The following PRELID2 variants were observed in gnomAD, a reference collection of about 807,000 sequenced individuals.
PRELID2 encodes PRELI domain containing 2.
PRELID2 carries 25 observed loss-of-function variants against 28.4 expected under a neutral mutation model. The ratio of observed to expected loss-of-function variants is 0.88; its 90% CI spans 0.64 to 1.23. The LOEUF is 1.23. Ranked by LOEUF, PRELID2 falls within the 50% of genes most tolerant of loss-of-function variation. The probability of loss-of-function intolerance (pLI) is 0.00; values close to 1 mark genes in which losing one functional copy is unlikely to be tolerated. For missense variants in PRELID2, 201 were observed against 214.4 expected (o/e 0.94, Z 0.39); for synonymous variants, 76 against 71.6 (o/e 1.06, Z -0.31).
chr5:145,478,272 G>A (rs537074258), intron 1 of PRELID2, among the ~76,000 whole-genome samples: 1 of 152,256 alleles, frequency 6.6e-6, no homozygotes, highest in African/African-American at 2.4e-5. Flanking sequence ...TATAGGTCAG[G>A]TGCAGTGGCT....
At chr5:145,569,903 A>T (rs1015994284) in intron 1 of PRELID2, among the ~76,000 whole-genome samples, 4 of 152,174 alleles carry the variant, frequency 2.6e-5, no homozygotes, top group African/African-American at 4.8e-5. Context: ...GGCTGCTATA[A>T]CAGAGTATAG....
At chr5:145,749,863 A>T (rs1757083708) in intron 1 of PRELID2, among the ~76,000 whole-genome samples, 1 of 152,116 alleles carries the variant, frequency 6.6e-6, no homozygotes, top group Non-Finnish European at 1.5e-5. Context: ...CTAACACAGG[A>T]ACAGAAAACT....
At chr5:145,373,069 T>TA in the PRELID2 span, among the ~76,000 whole-genome samples, 1 of 67,254 alleles carries the variant, frequency 1.5e-5, no homozygotes. Flanking sequence ...TAATATATGA[T>TA]ATATATTACA....
At chr5:145,803,885 T>C (rs557119957) in intron 4 of PRELID2, among the ~76,000 whole-genome samples, 1 of 152,192 alleles carries the variant, frequency 6.6e-6, no homozygotes, top group Non-Finnish European at 1.5e-5. Flanking sequence ...AATGAACCCC[T>C]TCCCCACCCC....
the PRELID2 span, chr5:145,437,080 A>T: frequency 6.6e-6 from 1 of 152,162 alleles, no homozygotes; most frequent in African/African-American, 2.4e-5. Context: ...TAAATTCCCA[A>T]TGTGATTGAT....
At chr5:145,330,144 GC>G in the PRELID2 span, among the ~76,000 whole-genome samples, 188 of 152,226 alleles carry the variant, frequency 1.2e-3, no homozygotes, top group Non-Finnish European at 2.3e-3. Flanking sequence ...TGGTGGATAA[GC>G]TTTTTGATGC....
At chr5:145,608,973 T>G (rs1267904439) in intron 1 of PRELID2, among the ~76,000 whole-genome samples, 1 of 152,214 alleles carries the variant, frequency 6.6e-6, no homozygotes, top group African/African-American at 2.4e-5. Context: ...ATTTTTTCTC[T>G]TTATCTTTGT....
rs1214587407 is a variant in PRELID2 at position 145,728,372 on chromosome 5, A to G, written n.70+36559T>C. On this transcript the variant is annotated intron_variant and non_coding_transcript_variant, in intron 1 of 2. Transcript: ENST00000510259. ...TACTTATCTCTACATCTTCCTGGAA[A>G]CCTTTTTTATGGCCCTGGGTAGAGC... 4 of 414,114 alleles carry G rather than the reference A, an allele frequency of 9.7e-6. No individual in the cohort carries two copies. In the East Asian group the frequency reaches 2.0e-4, roughly 20 times the overall value. 25.7% of individuals were successfully genotyped at this position (414,114 alleles called of 1,614,324 possible).
At chr5:145,504,768 C>T (rs1752391380) in intron 1 of PRELID2, among the ~76,000 whole-genome samples, 1 of 152,164 alleles carries the variant, frequency 6.6e-6, no homozygotes, top group African/African-American at 2.4e-5. Context: ...ATACTTCATT[C>T]TACCCTTGAT....
intron 1 of PRELID2, among the ~76,000 whole-genome samples, chr5:145,644,407 T>C (rs1164479682): frequency 6.6e-6 from 1 of 152,182 alleles, no homozygotes; most frequent in Admixed American, 6.5e-5. Flanking sequence ...CTCTCTTTTC[T>C]TCTTTATTAG....
chr5:145,502,454 T>G (rs192675178), intron 1 of PRELID2, among the ~76,000 whole-genome samples: 3 of 152,032 alleles, frequency 2.0e-5, no homozygotes, highest in Admixed American at 2.0e-4. Context: ...TGTATTAAGA[T>G]GAAAGGACAG....
the PRELID2 span, among the ~76,000 whole-genome samples, chr5:145,352,304 T>G: frequency 1.2e-4 from 18 of 152,194 alleles, no homozygotes; most frequent in African/African-American, 4.3e-4. Flanking sequence ...TAGGCAGATG[T>G]TACCAAACCT....
intron 1 of PRELID2, among the ~76,000 whole-genome samples, chr5:145,577,528 A>G (rs1197538766): frequency 6.6e-6 from 1 of 152,114 alleles, no homozygotes; most frequent in Non-Finnish European, 1.5e-5. Flanking sequence ...CTGTGAACTT[A>G]GACAGTTTAC....
At chr5:145,617,649 C>G (rs750535287) in intron 1 of PRELID2, among the ~76,000 whole-genome samples, 2 of 151,882 alleles carry the variant, frequency 1.3e-5, no homozygotes, top group African/African-American at 4.8e-5. Context: ...TTAATTCTAT[C>G]GATGAGATTT....
chr5:145,328,062 G>T, the PRELID2 span, among the ~76,000 whole-genome samples: 5 of 152,048 alleles, frequency 3.3e-5, no homozygotes, highest in African/African-American at 7.2e-5. Flanking sequence ...GTGCTAGTTT[G>T]CTGAGAATGG....
chr5:145,572,949 C>T (rs1753027573), intron 1 of PRELID2, among the ~76,000 whole-genome samples: 1 of 152,148 alleles, frequency 6.6e-6, no homozygotes, highest in Non-Finnish European at 1.5e-5. Context: ...CAAATTCTCA[C>T]CCCACCACCA....
chr5:145,399,677 T>A, the PRELID2 span, among the ~76,000 whole-genome samples: 18 of 152,104 alleles, frequency 1.2e-4, no homozygotes, highest in African/African-American at 4.3e-4. Context: ...CATTAATTAC[T>A]CCGTTTTCAT....
Position 145,478,142 on chromosome 5 carries a change from C to T in PRELID2, n.71-4827G>A, listed in dbSNP as rs75778169. ...CGAGCCCTTGTTCTACTGTCTAGGC[C>T]CTGTATTGTCCAGGGTAGTAGCCAT... On this transcript the variant is annotated intron_variant and non_coding_transcript_variant, in intron 1 of 2. Transcript: ENST00000510259. Among the ~76,000 whole-genome samples the T allele has an allele frequency of 7.0e-3, 1,073 of 152,206 alleles. 10 individuals are homozygous for T. Among genetic ancestry groups the T allele is most frequent in the African/African-American group, 0.025 (1,018 of 41,532 alleles).
chr5:145,835,244 A>C lies in PRELID2; in HGVS notation c.8T>G (p.Val3Gly), dbSNP rs1278183462. 1.3e-6 allele frequency: 2 copies of C among 1,546,274 alleles called. No homozygotes were observed. The highest frequency in any genetic ancestry group is 2.0e-5 in the Admixed American group (1 of 50,800). The change falls in exon 1 of 7, where the codon GTC (valine) becomes GGC (glycine). Residue 3 changes from valine (V) to glycine (G), a missense_variant. Val to Gly is a moderately radical substitution (Grantham distance 109). Transcript: ENST00000683046. MG[V>G]SVDVHQVYKY... ...GTACACCTGGTGCACATCCACCGAGACCCCCATCCCCGCGCGCCGCGGGCC... is the reference window on the plus strand; with the variant it reads ...GTACACCTGGTGCACATCCACCGAGCCCCCCATCCCCGCGCGCCGCGGGCC...
Sources: allele counts gnomAD v4.1 joint callset (sites outside exome capture counted in the v4.1 genomes callset), GRCh38; gene constraint gnomAD v4.1.1; transcripts MANE v1.5; gene names NCBI Gene and HGNC (gene_info 2026-07-23, HGNC 2026-07-21).